PCDHA4: variants seen among roughly 807,000 people sequenced by gnomAD.
PCDHA4 encodes protocadherin alpha-4.
Under a neutral mutation model 61.4 loss-of-function variants are expected in PCDHA4, and 49 were observed. The observed-to-expected ratio is 0.80, with a 90% CI of 0.63 to 1.01. PCDHA4 has a LOEUF of 1.01. PCDHA4 is among the 50% of genes least tolerant of loss of function. The probability of loss-of-function intolerance (pLI) is 0.00; values close to 1 mark genes in which losing one functional copy is unlikely to be tolerated. For synonymous variants in PCDHA4, 590 were observed against 550.3 expected (o/e 1.07, Z -1.01); for missense variants, 1,254 against 1,235.8 (o/e 1.01, Z -0.22).
At chr5:140,995,559 A>G (rs2097689300) in intron 3 of PCDHA4, among the ~76,000 whole-genome samples, 1 of 152,242 alleles carries the variant, frequency 6.6e-6, no homozygotes, top group South Asian at 2.1e-4. Context: ...TGTACTGAAT[A>G]ATATGTCAAG....
chr5:140,968,107 G>A (rs200195064), intron 1 of PCDHA4: 58 of 1,613,992 alleles, frequency 3.6e-5, no homozygotes, highest in African/African-American at 5.3e-5. Context: ...GGGGAATACC[G>A]CAGCTCACAT....
At chr5:140,925,826 G>T (rs1284588733) in intron 1 of PCDHA4, among the ~76,000 whole-genome samples, 3 of 152,066 alleles carry the variant, frequency 2.0e-5, no homozygotes, top group Non-Finnish European at 2.9e-5. Flanking sequence ...CTTCTTTGGG[G>T]ACGGGTCGTC....
rs748166275 is a variant in PCDHA4 at position 140,954,138 on chromosome 5, T to C, written c.2386-24811T>C. Among the ~76,000 whole-genome samples the C allele has an allele frequency of 5.9e-4, 90 of 152,260 alleles. 1 individual carries two copies. The highest frequency in any genetic ancestry group is 6.5e-4 in the Admixed American group (10 of 15,282). On this transcript the variant is annotated intron_variant, in intron 1 of 3. Coordinates refer to ENST00000530339, the MANE Select transcript of PCDHA4 (RefSeq NM_018907.4). The stretch of plus-strand genomic sequence containing the variant: ...CTTGTTCCTTTTTATGGATGCATAG[T>C]ATTCCATGGTGTATATGTACCACAT...
At chr5:140,968,162 C>A in intron 1 of PCDHA4, 1 of 1,614,122 alleles carries the variant, frequency 6.2e-7, no homozygotes, top group East Asian at 2.2e-5. Flanking sequence ...CAATGACAAT[C>A]CACCAAGCTT....
In PCDHA4 at chr5:140,857,247, A is replaced by T. The variant is rs140390466; in HGVS notation, c.2385+47675A>T. 1.3e-4 allele frequency: 206 copies of T among 1,598,558 alleles called. 15 individuals carry two copies. The African/African-American group carries it at 2.2e-3, about 17-fold the overall frequency. On this transcript the variant is annotated intron_variant, in intron 1 of 3. Transcript: ENST00000530339. The stretch of plus-strand genomic sequence containing the variant: ...GTTCCGTTCAAGCTGGTGTCCACCT[A>T]CAAGAATTACTACTCATTGGTGCTG...
At chr5:140,862,493 C>T (rs1554156460) in intron 1 of PCDHA4, 4 of 388,658 alleles carry the variant, frequency 1.0e-5, no homozygotes, top group Admixed American at 3.4e-5. Context: ...GGTAATCGCT[C>T]GGAATGGGGA....
At chr5:140,852,072 G>A in intron 1 of PCDHA4, 2 of 903,554 alleles carry the variant, frequency 2.2e-6, no homozygotes, top group Non-Finnish European at 2.7e-6. Context: ...TTCTCTTTCA[G>A]CTATTTTATT....
intron 1 of PCDHA4, among the ~76,000 whole-genome samples, chr5:140,900,728 C>A (rs2068258961): frequency 1.3e-5 from 2 of 152,188 alleles, no homozygotes; most frequent in Non-Finnish European, 2.9e-5. Flanking sequence ...TCCTACCTAG[C>A]AGTGGGATTT....
chr5:140,983,076 T>A (rs1390525890), intron 3 of PCDHA4, among the ~76,000 whole-genome samples: 1 of 152,168 alleles, frequency 6.6e-6, no homozygotes, highest in Non-Finnish European at 1.5e-5. Context: ...TTGTTTTGAG[T>A]TCAAGTCAAA....
At chr5:140,998,850 A>G (rs904977478) in intron 3 of PCDHA4, among the ~76,000 whole-genome samples, 18 of 152,234 alleles carry the variant, frequency 1.2e-4, no homozygotes, top group Non-Finnish European at 2.1e-4. Context: ...GGTGTGAGCC[A>G]CATGCCTGGC....
chr5:140,933,314 G>C (rs925777839), intron 1 of PCDHA4, among the ~76,000 whole-genome samples: 1 of 151,914 alleles, frequency 6.6e-6, no homozygotes, highest in African/African-American at 2.4e-5. Context: ...ATGCAATCTC[G>C]TATTCTCCTG....
chr5:140,952,471 A>AAAGT (rs1205705150), intron 1 of PCDHA4, among the ~76,000 whole-genome samples: 2 of 152,204 alleles, frequency 1.3e-5, no homozygotes, highest in Non-Finnish European at 2.9e-5. Context: ...AAGCATAAGG[A>AAAGT]AAGTGACATT....
At chr5:140,812,940 C>T (rs1765202125) in intron 1 of PCDHA4, 2 of 152,160 alleles carry the variant, frequency 1.3e-5, no homozygotes, top group African/African-American at 4.8e-5. Flanking sequence ...TACATATTTG[C>T]AGATTTTCCA....
At chr5:140,843,268 C>A in intron 1 of PCDHA4, 1 of 1,596,100 alleles carries the variant, frequency 6.3e-7, no homozygotes, top group Non-Finnish European at 8.6e-7. Flanking sequence ...GTCTGCTGGT[C>A]CTGGTGAAGG....
At chr5:140,857,993 C>G (rs782150278) in intron 1 of PCDHA4, 1 of 1,597,064 alleles carries the variant, frequency 6.3e-7, no homozygotes. Flanking sequence ...CCTACTGGTG[C>G]TGGTGAAGGA....
chr5:140,878,047 G>A lies in PCDHA4; in HGVS notation c.2385+68475G>A, dbSNP rs574540860. On this transcript the variant is annotated intron_variant, in intron 1 of 3. Transcript: ENST00000530339. Reference sequence around the variant, plus strand: ...ATGTAGGTACAATGGAGGCCATGGAGCACCACACTTAATATTTTTCTTTTT... The same window carrying A: ...ATGTAGGTACAATGGAGGCCATGGAACACCACACTTAATATTTTTCTTTTT... The A allele has an allele frequency of 1.7e-4, 84 of 491,464 alleles. No homozygotes were observed. In the South Asian group the frequency reaches 4.9e-3, roughly 29 times the overall value. 30.4% of individuals were successfully genotyped at this position (491,464 alleles called of 1,614,324 possible).
At chr5:140,857,386 C>T (rs782509093) in intron 1 of PCDHA4, 1 of 1,598,308 alleles carries the variant, frequency 6.3e-7, no homozygotes. Context: ...AGGTGGCCGA[C>T]GTGAACGACA....
At chr5:140,851,973 C>A in intron 1 of PCDHA4, 1 of 976,422 alleles carries the variant, frequency 1.0e-6, no homozygotes, top group African/African-American at 1.8e-5. Flanking sequence ...CCACACTCTA[C>A]CTTTAGTGCA....
At position 140,843,305 on chromosome 5, in the gene PCDHA4, A is replaced by T. The variant is rs2150356964; in HGVS notation, c.2385+33733A>T. ...TCATGGTGAACCTGCGCTGACCGCCACGGCCACGGTTCTGGTGTCGCTGGT... is the reference window on the plus strand; with the variant it reads ...TCATGGTGAACCTGCGCTGACCGCCTCGGCCACGGTTCTGGTGTCGCTGGT... On this transcript the variant is annotated intron_variant, in intron 1 of 3. Coordinates refer to ENST00000530339, the MANE Select transcript of PCDHA4 (RefSeq NM_018907.4). 1.9e-6 allele frequency: 3 copies of T among 1,595,938 alleles called. No homozygotes were observed. In the East Asian group the frequency reaches 6.7e-5, roughly 36 times the overall value.
Sources: allele counts gnomAD v4.1 joint callset (sites outside exome capture counted in the v4.1 genomes callset), GRCh38; gene constraint gnomAD v4.1.1; transcripts MANE v1.5; gene names NCBI Gene and HGNC (gene_info 2026-07-23, HGNC 2026-07-21).